MAP4K4: variants seen among roughly 807,000 people sequenced by gnomAD.
The protein encoded by MAP4K4 is HPK/GCK-like kinase HGK.
MAP4K4 carries 38 observed loss-of-function variants against 189.6 expected under a neutral mutation model. The ratio of observed to expected loss-of-function variants is 0.20; its 90% CI spans 0.15 to 0.26. MAP4K4 has a LOEUF of 0.26. Ranked by LOEUF, MAP4K4 falls within the 10% of genes least tolerant of loss-of-function variation. The probability of loss-of-function intolerance (pLI) is 1.00; values close to 1 mark genes in which losing one functional copy is unlikely to be tolerated. For synonymous variants in MAP4K4, 610 were observed against 624.3 expected (o/e 0.98, Z 0.34); for missense variants, 1,054 against 1,726.9 (o/e 0.61, Z 6.91).
At chr2:101,751,553 A>G (rs1008735123) in intron 2 of MAP4K4, among the ~76,000 whole-genome samples, 2 of 152,262 alleles carry the variant, frequency 1.3e-5, no homozygotes, top group South Asian at 2.1e-4. Flanking sequence ...CATACTGAAT[A>G]CTAGGCACTG....
At chr2:101,808,568 A>T (rs1429930299) in intron 3 of MAP4K4, among the ~76,000 whole-genome samples, 2 of 135,252 alleles carry the variant, frequency 1.5e-5, no homozygotes, top group African/African-American at 2.9e-5. Flanking sequence ...CGTTTAGTAT[A>T]CCTACGGTGG....
intron 14 of MAP4K4, among the ~76,000 whole-genome samples, chr2:101,859,370 G>T (rs547388586): frequency 4.6e-5 from 7 of 152,296 alleles, no homozygotes; most frequent in African/African-American, 1.7e-4. Flanking sequence ...TAGGTTGAAA[G>T]CACATGTCAC....
intron 27 of MAP4K4, 54 bp downstream of exon 27, chr2:101,877,200 A>G (rs1302210386): frequency 1.9e-6 from 3 of 1,574,244 alleles, no homozygotes; most frequent in African/African-American, 1.3e-5. Flanking sequence ...ACAATATTGT[A>G]GCTTTACACA....
chr2:101,817,738 C>A (rs768668336), intron 3 of MAP4K4, among the ~76,000 whole-genome samples: 4 of 152,120 alleles, frequency 2.6e-5, no homozygotes, highest in Non-Finnish European at 4.4e-5. Context: ...GTTTGGAATC[C>A]CAGAACTAGC....
At chr2:101,733,919 C>T (rs2059440977) in intron 2 of MAP4K4, among the ~76,000 whole-genome samples, 1 of 152,216 alleles carries the variant, frequency 6.6e-6, no homozygotes, top group Admixed American at 6.5e-5. Flanking sequence ...CCTTTGTTCC[C>T]TGAACCACAG....
chr2:101,734,523 A>G (rs1032373415), intron 2 of MAP4K4, among the ~76,000 whole-genome samples: 14 of 152,216 alleles, frequency 9.2e-5, no homozygotes, highest in African/African-American at 3.1e-4. Context: ...CAGCAGATAC[A>G]TACCAGTTCA....
At chr2:101,858,915 A>G in intron 13 of MAP4K4, 81 bp from the exon 14 acceptor site, 1 of 951,178 alleles carries the variant, frequency 1.1e-6, no homozygotes, top group Non-Finnish European at 1.7e-6. Flanking sequence ...ATTGGAGCAA[A>G]TGGTTCTTGG....
intron 32 of MAP4K4, among the ~76,000 whole-genome samples, chr2:101,890,794 T>A (rs993381217): frequency 6.6e-6 from 1 of 151,990 alleles, no homozygotes; most frequent in African/African-American, 2.4e-5. Flanking sequence ...AGAGTCTTGC[T>A]CTGTTGCCCA....
chr2:101,697,912 C>A (rs2035174016), exon 1 of MAP4K4: 1 of 171,868 alleles, frequency 5.8e-6, no homozygotes, highest in South Asian at 1.8e-4. Flanking sequence ...CCCGAGCGGC[C>A]CGAGAGCGCA....
intron 2 of MAP4K4, among the ~76,000 whole-genome samples, chr2:101,783,315 T>C (rs1467332337): frequency 6.6e-6 from 1 of 152,182 alleles, no homozygotes; most frequent in Non-Finnish European, 1.5e-5. Context: ...AATTAGAATT[T>C]ACTTGTTATG....
chr2:101,806,209 A>G (rs1341858852), intron 3 of MAP4K4, among the ~76,000 whole-genome samples: 1 of 152,136 alleles, frequency 6.6e-6, no homozygotes, highest in Admixed American at 6.5e-5. Context: ...GAAAGCAACA[A>G]TAACAGCAGT....
At chr2:101,848,232 C>A (rs1438047363) in intron 12 of MAP4K4, among the ~76,000 whole-genome samples, 3 of 152,120 alleles carry the variant, frequency 2.0e-5, no homozygotes, top group African/African-American at 7.2e-5. Flanking sequence ...AGTGTAAATG[C>A]CATGCAAATA....
At chr2:101,803,371 A>G (rs981353727) in intron 3 of MAP4K4, among the ~76,000 whole-genome samples, 3 of 152,008 alleles carry the variant, frequency 2.0e-5, no homozygotes, top group African/African-American at 7.3e-5. Flanking sequence ...TTGTCTTTTA[A>G]TTGTATAGTG....
chr2:101,756,313 G>A (rs1340488330), intron 2 of MAP4K4, among the ~76,000 whole-genome samples: 1 of 152,136 alleles, frequency 6.6e-6, no homozygotes, highest in African/African-American at 2.4e-5. Flanking sequence ...AAATTTTACT[G>A]TGGGTGCTAA....
At chr2:101,805,935 C>T (rs541509849) in intron 3 of MAP4K4, among the ~76,000 whole-genome samples, 118 of 152,286 alleles carry the variant, frequency 7.7e-4, no homozygotes, top group Non-Finnish European at 1.2e-3. Context: ...GACTTTGCTA[C>T]ACTTGCAGCA....
intron 12 of MAP4K4, among the ~76,000 whole-genome samples, chr2:101,854,472 G>A (rs2097382898): frequency 6.6e-6 from 1 of 152,150 alleles, no homozygotes; most frequent in Non-Finnish European, 1.5e-5. Flanking sequence ...TAATGAGAGA[G>A]GCGGAACCAA....
chr2:101,860,741 A>T, intron 15 of MAP4K4, 84 bp from the exon 16 acceptor site: 2 of 1,196,318 alleles, frequency 1.7e-6, no homozygotes. Flanking sequence ...TTACCTTTAG[A>T]TTTCTTCCAC....
intron 1 of MAP4K4, 55 bp downstream of exon 1, chr2:101,698,192 C>CTGCA: frequency 3.4e-6 from 3 of 890,668 alleles, no homozygotes; most frequent in Non-Finnish European, 4.1e-6. Flanking sequence ...AGCCGGCAGC[C>CTGCA]GGGGCCGCGC....
At chr2:101,814,605 C>G (rs1357929846) in intron 3 of MAP4K4, among the ~76,000 whole-genome samples, 1 of 152,068 alleles carries the variant, frequency 6.6e-6, no homozygotes, top group Non-Finnish European at 1.5e-5. Flanking sequence ...AGGCTTTTTT[C>G]CTTGTTACCA....
Sources: allele counts gnomAD v4.1 joint callset (sites outside exome capture counted in the v4.1 genomes callset), GRCh38; gene constraint gnomAD v4.1.1; transcripts MANE v1.5; gene names NCBI Gene and HGNC (gene_info 2026-07-23, HGNC 2026-07-21).